PPWD1: variants seen among roughly 807,000 people sequenced by gnomAD.
The protein encoded by PPWD1 is peptidylprolyl isomerase domain and WD repeat containing 1, also known as peptidylprolyl isomerase domain and WD repeat-containing protein 1.
PPWD1 carries 43 observed loss-of-function variants against 68.8 expected under a neutral mutation model. The ratio of observed to expected loss-of-function variants is 0.62; its 90% CI spans 0.49 to 0.81. The LOEUF (loss-of-function observed/expected upper bound fraction) is 0.81. Ranked by LOEUF, PPWD1 falls within the 30% of genes least tolerant of loss-of-function variation. The probability of loss-of-function intolerance (pLI) is 0.00; values close to 1 mark genes in which losing one functional copy is unlikely to be tolerated. For missense variants in PPWD1, 672 were observed against 804.8 expected (o/e 0.83, Z 2.00); for synonymous variants, 232 against 258.7 (o/e 0.90, Z 0.99).
In PPWD1 at chr5:65,587,267, T is replaced by G; in HGVS notation, c.1812T>G (p.Asn604Lys). The G allele has an allele frequency of 6.2e-7, 1 of 1,608,414 alleles. No individual in the cohort carries two copies. The highest frequency in any genetic ancestry group is 8.5e-7 in the Non-Finnish European group (1 of 1,176,746). The change falls in exon 11 of 11, where the codon AAT (asparagine) becomes AAG (lysine). Residue 604 changes from asparagine (N) to lysine (K), a missense_variant. Transcript: ENST00000261308. ...CTCCAACACAGCCTTGGCTTGATAA[T>G]AAGCATACAGTATTTGGACGAGTGA... is the stretch of plus-strand genomic sequence containing the variant. Reference protein sequence around the residue: ...ITVVPTPWLDNKHTVFGRVTK... With the variant: ...ITVVPTPWLDKKHTVFGRVTK...
At chr5:65,570,299 C>T (rs1752957544) in intron 4 of PPWD1, 1 of 889,884 alleles carries the variant, frequency 1.1e-6, no homozygotes. Flanking sequence ...CTGGTAGTTA[C>T]AGTTAACTTC....
rs751538658 is a variant in PPWD1 at position 65,572,227 on chromosome 5, G to C, written c.910G>C (p.Val304Leu). The part of the protein sequence containing the change: ...KIATIGSDRK[V>L]RIFRFVTGKL... ...AGCTACTATTGGTTCTGATAGAAAA[G>C]TTAGAATTTTCAGATTTGTAACTGG... The change falls in exon 5 of 11, where the codon GTT (valine) becomes CTT (leucine). Residue 304 changes from valine (V) to leucine (L), a missense_variant. Val to Leu is a conservative substitution (Grantham distance 32). This residue lies in a region of PPWD1 where 484 missense variants were observed against 646.2 expected (regional missense o/e 0.75). Coordinates refer to ENST00000261308, the MANE Select transcript of PPWD1 (RefSeq NM_015342.4). 5 of 1,612,552 alleles carry C rather than the reference G, an allele frequency of 3.1e-6. No homozygotes were observed. The South Asian group carries it at 4.4e-5, about 14-fold the overall frequency.
intron 7 of PPWD1, among the ~76,000 whole-genome samples, chr5:65,581,653 C>A (rs1041819671): frequency 9.9e-5 from 15 of 152,174 alleles, no homozygotes; most frequent in African/African-American, 3.4e-4. Context: ...AATTTTCCAT[C>A]CACTTTATTC....
chr5:65,583,040 T>TA lies in PPWD1; in HGVS notation c.1354dup (p.Thr452AsnfsTer14). 6.4e-7 allele frequency: 1 copy of TA among 1,567,534 alleles called. No individual in the cohort carries two copies. Among genetic ancestry groups the TA allele is most frequent in the Non-Finnish European group, 8.6e-7 (1 of 1,156,770 alleles). The stretch of plus-strand genomic sequence containing the variant: ...CACTTTTTACTTTCCTCCTTGAGTT[T>TA]ACCAAACGAGAACCAGAAGATACGA... On this transcript the variant is annotated frameshift_variant, in exon 8 of 11. Coordinates refer to ENST00000261308, the MANE Select transcript of PPWD1 (RefSeq NM_015342.4). LOFTEE classifies it high-confidence loss of function.
chr5:65,573,526 T>G (rs1453555816), intron 5 of PPWD1, among the ~76,000 whole-genome samples: 2 of 43,608 alleles, frequency 4.6e-5, no homozygotes, highest in African/African-American at 2.2e-4. Context: ...GTTTTTTTTT[T>G]TTTTTTTTTT....
intron 5 of PPWD1, among the ~76,000 whole-genome samples, chr5:65,573,516 GTTTTTTTTTTTTT>G (rs869214238): frequency 6.5e-5 from 1 of 15,436 alleles, no homozygotes; most frequent in Non-Finnish European, 1.3e-4. Context: ...AGTACAGATG[GTTTTTTTTTTTTT>G]TTTTTTTTTT....
intron 6 of PPWD1, among the ~76,000 whole-genome samples, chr5:65,579,093 T>G (rs1753473131): frequency 6.6e-6 from 1 of 152,026 alleles, no homozygotes; most frequent in Non-Finnish European, 1.5e-5. Context: ...TTTCTTGTAT[T>G]TTTAATGGCG....
chr5:65,574,082 T>C (rs997206649), intron 5 of PPWD1, among the ~76,000 whole-genome samples: 1 of 152,228 alleles, frequency 6.6e-6, no homozygotes, highest in Admixed American at 6.5e-5. Flanking sequence ...CCAATTTGCA[T>C]TGGATTCCCT....
chr5:65,585,132 T>C (rs770657091), intron 9 of PPWD1, 37 bp downstream of exon 9: 5 of 1,544,116 alleles, frequency 3.2e-6, no homozygotes, highest in East Asian at 2.3e-5. Context: ...TAAGAAATAC[T>C]GTATTATTAC....
chr5:65,578,771 T>TAC (rs1404816970), intron 6 of PPWD1, among the ~76,000 whole-genome samples: 9 of 66,436 alleles, frequency 1.4e-4, no homozygotes, highest in African/African-American at 4.9e-4. Context: ...TATATATATA[T>TAC]ACATATATAT....
chr5:65,575,333 C>T (rs1753231740), intron 5 of PPWD1, among the ~76,000 whole-genome samples: 1 of 152,202 alleles, frequency 6.6e-6, no homozygotes, highest in Non-Finnish European at 1.5e-5. Flanking sequence ...ATTCCTGGCA[C>T]ATGAATAAGC....
chr5:65,569,796 T>A, intron 3 of PPWD1, 64 bp downstream of exon 3: 1 of 1,548,254 alleles, frequency 6.5e-7, no homozygotes, highest in Middle Eastern at 1.7e-4. Context: ...AGTTTAAATT[T>A]TTTAAATTTT....
At chr5:65,586,575 G>C (rs1052553974) in intron 10 of PPWD1, among the ~76,000 whole-genome samples, 1 of 152,096 alleles carries the variant, frequency 6.6e-6, no homozygotes, top group African/African-American at 2.4e-5. Flanking sequence ...TCTGAAATCA[G>C]AATACATTAG....
At chr5:65,586,719 C>T (rs992647973) in intron 10 of PPWD1, among the ~76,000 whole-genome samples, 3 of 152,110 alleles carry the variant, frequency 2.0e-5, no homozygotes, top group Non-Finnish European at 2.9e-5. Context: ...CTACCATCTG[C>T]CAGGCACATA....
chr5:65,584,728 A>G (rs1257260026), intron 8 of PPWD1, among the ~76,000 whole-genome samples: 2 of 151,770 alleles, frequency 1.3e-5, no homozygotes, highest in African/African-American at 4.8e-5. Flanking sequence ...CTATGGCTGT[A>G]TTTTTTTTGA....
chr5:65,585,131 C>T (rs1366021585), intron 9 of PPWD1, 36 bp downstream of exon 9: 2 of 1,545,096 alleles, frequency 1.3e-6, no homozygotes, highest in South Asian at 1.1e-5. Flanking sequence ...ATAAGAAATA[C>T]TGTATTATTA....
In PPWD1 at chr5:65,584,883, A is replaced by AAC. The variant is rs386403981; in HGVS notation, c.1533-130_1533-129insCA. On this transcript the variant is annotated intron_variant, in intron 8 of 10. Coordinates refer to ENST00000261308, the MANE Select transcript of PPWD1 (RefSeq NM_015342.4). The stretch of plus-strand genomic sequence containing the variant: ...GTCCTGAGATTAGAGATTATGAAAA[A>AAC]AAAAAACAACTGTCCTTCTGAAACA... 1.7e-5 allele frequency: 24 copies of AAC among 1,376,544 alleles called. No individual in the cohort carries two copies. The East Asian group carries it at 3.9e-4, about 22-fold the overall frequency. 85.3% of individuals were successfully genotyped at this position (1,376,544 alleles called of 1,614,324 possible).
At position 65,563,701 on chromosome 5, in the gene PPWD1, GATA is replaced by G; in HGVS notation, c.196+199_196+201del. 6 of 1,386,528 alleles carry G rather than the reference GATA, an allele frequency of 4.3e-6. No individual in the cohort carries two copies. In the South Asian group the frequency reaches 7.4e-5, roughly 17 times the overall value. The allele number at this position is 1,386,528 out of a possible 1,614,324, so 85.9% of individuals were successfully genotyped here. A position where few individuals can be genotyped will look rare whatever the true frequency, so the allele number is the denominator to read the frequency against. ...TTTAAGCGTAGTACAACGTCTTTTT[GATA>G]ATATCTAACACTTTTGATCATTGAT... On this transcript the variant is annotated intron_variant, in intron 1 of 10. Coordinates refer to ENST00000261308, the MANE Select transcript of PPWD1 (RefSeq NM_015342.4).
rs1277349234 is a variant in PPWD1, at chr5:65,576,886, C to G, written c.977C>G (p.Thr326Ser). ...AAATGGTTTATTTCCTAGATGTTTACTGAACTGCAACAGATGAGGCAACAG... is the reference window on the plus strand; with the variant it reads ...AAATGGTTTATTTCCTAGATGTTTAGTGAACTGCAACAGATGAGGCAACAG... ...RVFDESLSMF[T>S]ELQQMRQQLP... Residue 326 changes from threonine (T) to serine (S), a missense_variant, in exon 6 of 11, where the codon ACT becomes AGT. This residue lies in a region of PPWD1 where 484 missense variants were observed against 646.2 expected (regional missense o/e 0.75). Coordinates refer to ENST00000261308, the MANE Select transcript of PPWD1 (RefSeq NM_015342.4). 1.2e-6 allele frequency: 2 copies of G among 1,613,770 alleles called. No homozygotes were observed. Among genetic ancestry groups the G allele is most frequent in the Admixed American group, 1.7e-5 (1 of 59,988 alleles).
Sources: allele counts gnomAD v4.1 joint callset (sites outside exome capture counted in the v4.1 genomes callset), GRCh38; gene constraint gnomAD v4.1.1; regional missense constraint gnomAD v4.1.1; transcripts MANE v1.5; gene names NCBI Gene and HGNC (gene_info 2026-07-23, HGNC 2026-07-21).